Variants in MCRIP2 observed in about 807,000 individuals in gnomAD.
MCRIP2 encodes the protein MAPK regulated co-repressor interacting protein 2.
MCRIP2 carries 21 observed loss-of-function variants against 23.2 expected under a neutral mutation model. The observed-to-expected ratio is 0.90, with a 90% CI of 0.64 to 1.30. MCRIP2 has a LOEUF of 1.30. Among genes scored for constraint, MCRIP2 ranks in the 50% most tolerant of loss-of-function variants. The probability of loss-of-function intolerance (pLI) is 0.00; values close to 1 mark genes in which losing one functional copy is unlikely to be tolerated. For synonymous variants in MCRIP2, 121 were observed against 100.2 expected (o/e 1.21, Z -1.24); for missense variants, 234 against 223.2 (o/e 1.05, Z -0.31).
chr16:646,957 C>G lies in MCRIP2; in HGVS notation c.183-460C>G. The G allele has an allele frequency of 6.3e-6, 1 of 158,466 alleles. No homozygotes were observed. Among genetic ancestry groups the G allele is most frequent in the Non-Finnish European group, 1.4e-5 (1 of 72,184 alleles). The allele number at this position is 158,466 out of a possible 1,614,324, so 9.8% of individuals were successfully genotyped here. On this transcript the variant is annotated intron_variant, in intron 2 of 4. Coordinates refer to ENST00000307650, the MANE Select transcript of MCRIP2 (RefSeq NM_138418.4). This position sits in a 1 kb window ranked among gnomAD's most constrained non-coding sequence, Gnocchi z 6.5. ...GGGAAACATCGTGGAGATGGAGGTG[C>G]TTCTGTGGGGCGAGAATGTGGCCTA...
chr16:642,768 C>G (rs2037382801), intron 2 of MCRIP2: 1 of 152,268 alleles, frequency 6.6e-6, no homozygotes, highest in South Asian at 2.1e-4. Flanking sequence ...TTTTCCTAAC[C>G]CAGTTAGGAA....
intron 2 of MCRIP2, chr16:647,138 G>A (rs559134817): frequency 8.2e-6 from 4 of 487,974 alleles, no homozygotes; most frequent in Admixed American, 3.6e-5. Context: ...CCCGACCAAA[G>A]GTTTGGGACA....
chr16:647,942 C>G (rs2037538692), intron 4 of MCRIP2, 58 bp downstream of exon 4: 2 of 1,231,454 alleles, frequency 1.6e-6, no homozygotes, highest in East Asian at 2.6e-5. Flanking sequence ...TGATCCTGAC[C>G]CAGGCCCTGC....
chr16:648,232 C>T lies in MCRIP2; in HGVS notation c.*42C>T, dbSNP rs78631299. On this transcript the variant is annotated 3_prime_UTR_variant, in exon 5 of 5. Coordinates refer to ENST00000307650, the MANE Select transcript of MCRIP2 (RefSeq NM_138418.4). ...GCGCTGCTACACGGCCGACCTGTCG[C>T]CAGGAGAGAAGCATGGCGCCCTGCC... 1.1e-4 allele frequency: 170 copies of T among 1,571,844 alleles called. No homozygotes were observed. In the African/African-American group the frequency reaches 1.8e-3, roughly 17 times the overall value.
intron 2 of MCRIP2, among the ~76,000 whole-genome samples, chr16:644,399 C>A (rs533067200): frequency 1.3e-5 from 2 of 152,178 alleles, no homozygotes; most frequent in East Asian, 3.9e-4. Context: ...TCCCTCTGAA[C>A]CACCCCACCC....
intron 2 of MCRIP2, chr16:642,533 C>T (rs1446640825): frequency 2.1e-5 from 4 of 188,312 alleles, no homozygotes; most frequent in East Asian, 2.8e-4. Flanking sequence ...GTCGGTGCTT[C>T]GGGCGACCTT....
Position 641,828 on chromosome 16 carries a change from G to A in MCRIP2, c.-164G>A. On this transcript the variant is annotated 5_prime_UTR_variant, in exon 1 of 5. Transcript: ENST00000307650. Reference sequence around the variant, plus strand: ...CCCAAAGGGCGCAAGCGCCGCCTCCGCCGCGTGTCCGGGGTCAGCCCGAGC... The same window carrying A: ...CCCAAAGGGCGCAAGCGCCGCCTCCACCGCGTGTCCGGGGTCAGCCCGAGC... The A allele has an allele frequency of 3.5e-6, 2 of 570,380 alleles. No homozygotes were observed. The highest frequency in any genetic ancestry group is 2.6e-6 in the Non-Finnish European group (1 of 392,112). 35.3% of individuals were successfully genotyped at this position (570,380 alleles called of 1,614,324 possible). A position where few individuals can be genotyped will look rare whatever the true frequency, so the allele number is the denominator to read the frequency against.
In MCRIP2 at chr16:642,305, C is replaced by A. The variant is rs574767144; in HGVS notation, c.182+56C>A. Reference sequence around the variant, plus strand: ...GCCCGGCTTCCCCTCCCCCGCCGGCCGCCCTAGAGCGGAGGGTGACCTTGG... The same window carrying A: ...GCCCGGCTTCCCCTCCCCCGCCGGCAGCCCTAGAGCGGAGGGTGACCTTGG... On this transcript the variant is annotated intron_variant, in intron 2 of 4. Coordinates refer to ENST00000307650, the MANE Select transcript of MCRIP2 (RefSeq NM_138418.4). 1.2e-4 allele frequency: 135 copies of A among 1,138,684 alleles called. No individual in the cohort carries two copies. In the African/African-American group the frequency reaches 1.8e-3, roughly 15 times the overall value. The allele number at this position is 1,138,684 out of a possible 1,614,324, so 70.5% of individuals were successfully genotyped here. A position where few individuals can be genotyped will look rare whatever the true frequency, so the allele number is the denominator to read the frequency against.
Position 642,116 on chromosome 16 carries a change from G to A in MCRIP2, c.53-4G>A. On this transcript the variant is annotated splice_region_variant and splice_polypyrimidine_tract_variant and intron_variant, in intron 1 of 4. Coordinates refer to ENST00000307650, the MANE Select transcript of MCRIP2 (RefSeq NM_138418.4). The stretch of plus-strand genomic sequence containing the variant: ...GGCGGCTGACCGCCCCCCGGTGCCC[G>A]CAGGTCCCACGCAGCAGCAGGTGGA... 3.0e-6 allele frequency: 4 copies of A among 1,353,158 alleles called. No individual in the cohort carries two copies. Among genetic ancestry groups the A allele is most frequent in the African/African-American group, 1.5e-5 (1 of 65,326 alleles). 83.8% of individuals were successfully genotyped at this position (1,353,158 alleles called of 1,614,324 possible).
chr16:647,919 C>G, intron 4 of MCRIP2, 35 bp downstream of exon 4: 2 of 1,263,028 alleles, frequency 1.6e-6, no homozygotes. Flanking sequence ...CAGGAGAGAC[C>G]CCCCAGCCCC....
In MCRIP2 at chr16:641,884, G is replaced by A. The variant is rs1020719123; in HGVS notation, c.-108G>A. The A allele has an allele frequency of 1.3e-5, 14 of 1,044,092 alleles. No homozygotes were observed. The highest frequency in any genetic ancestry group is 3.6e-4 in the Middle Eastern group (1 of 2,798). 64.7% of individuals were successfully genotyped at this position (1,044,092 alleles called of 1,614,324 possible). A position where few individuals can be genotyped will look rare whatever the true frequency, so the allele number is the denominator to read the frequency against. ...CGGGCCCTTTAAGGGCCGGGGGCGTGTAGCGGGCCCGCCCCCTCCCCGCGG... is the reference window on the plus strand; with the variant it reads ...CGGGCCCTTTAAGGGCCGGGGGCGTATAGCGGGCCCGCCCCCTCCCCGCGG... On this transcript the variant is annotated 5_prime_UTR_variant, in exon 1 of 5. Coordinates refer to ENST00000307650, the MANE Select transcript of MCRIP2 (RefSeq NM_138418.4).
rs1345448400 is a variant in MCRIP2 at position 642,222 on chromosome 16, A to T, written c.155A>T (p.Gln52Leu). The T allele has an allele frequency of 2.4e-6, 3 of 1,256,850 alleles. No homozygotes were observed. Among genetic ancestry groups the T allele is most frequent in the Non-Finnish European group, 3.0e-6 (3 of 1,001,198 alleles). 77.9% of individuals were successfully genotyped at this position (1,256,850 alleles called of 1,614,324 possible). The part of the protein sequence containing the change: ...SQPPRAQPFA[Q>L]PPGPWPLSSP... ...CCCCCGCGGGCGCAGCCCTTTGCGC[A>T]GCCGCCGGGACCCTGGCCCCTGTCG... Residue 52 changes from glutamine (Q) to leucine (L), a missense_variant, in exon 2 of 5, where the codon CAG becomes CTG. Gln to Leu is a moderately radical substitution (Grantham distance 113). Transcript: ENST00000307650.
At chr16:647,262 G>A (rs1171687363) in intron 2 of MCRIP2, 155 bp from the exon 3 acceptor site, 5 of 1,021,342 alleles carry the variant, frequency 4.9e-6, no homozygotes, top group East Asian at 5.2e-5. Flanking sequence ...CTGGGCCACC[G>A]GCTGCTGTGG....
At chr16:645,896 G>A (rs1486093036) in intron 2 of MCRIP2, 2 of 152,278 alleles carry the variant, frequency 1.3e-5, no homozygotes, top group South Asian at 2.1e-4. Flanking sequence ...ATGCTCAGGT[G>A]GATTCTCTCC....
At chr16:647,117 ACTGAGTGGGGCCCGACCAAAG>A (rs914308089) in intron 2 of MCRIP2, 1 of 420,978 alleles carries the variant, frequency 2.4e-6, no homozygotes, top group African/African-American at 2.0e-5. Context: ...GGGGAGGGGT[ACTGAGTGGGGCCCGACCAAAG>A]GTTTGGGACA....
At chr16:643,826 C>T (rs930582808) in intron 2 of MCRIP2, among the ~76,000 whole-genome samples, 1 of 152,126 alleles carries the variant, frequency 6.6e-6, no homozygotes, top group Non-Finnish European at 1.5e-5. Context: ...GCTACCGCGC[C>T]CGGCCTGTTT....
rs1041860041 is a variant in MCRIP2 at position 642,199 on chromosome 16, C to T, written c.132C>T (p.Pro44=). 2 of 1,319,138 alleles carry T rather than the reference C, an allele frequency of 1.5e-6. No homozygotes were observed. The highest frequency in any genetic ancestry group is 3.8e-5 in the South Asian group (2 of 53,092). 81.7% of individuals were successfully genotyped at this position (1,319,138 alleles called of 1,614,324 possible). A position where few individuals can be genotyped will look rare whatever the true frequency, so the allele number is the denominator to read the frequency against. ...CRQPAPPTSQ[P]PRAQPFAQPP... ...AGCCCGCGCCGCCGACCTCGCAGCC[C>T]CCGCGGGCGCAGCCCTTTGCGCAGC... The change falls in exon 2 of 5, where the codon CCC becomes CCT. Residue 44 remains proline, a synonymous_variant. Transcript: ENST00000307650.
rs1181104436 is a variant in MCRIP2, at chr16:646,663, G to C, written c.183-754G>C. On this transcript the variant is annotated intron_variant, in intron 2 of 4. Coordinates refer to ENST00000307650, the MANE Select transcript of MCRIP2 (RefSeq NM_138418.4). The surrounding 1 kb of genome is among the most constrained non-coding windows in gnomAD (Gnocchi z 6.5). ...CCCGGGCTTTGTGTGCTCAGGGCTC[G>C]GCCAGCTGGGGCCGCTCATCCCTGC... is the stretch of plus-strand genomic sequence containing the variant. 3 of 152,154 alleles carry C rather than the reference G, an allele frequency of 2.0e-5. No homozygotes were observed. The highest frequency in any genetic ancestry group is 4.4e-5 in the Non-Finnish European group (3 of 68,032). 9.4% of individuals were successfully genotyped at this position (152,154 alleles called of 1,614,324 possible).
At chr16:644,494 G>T in intron 2 of MCRIP2, among the ~76,000 whole-genome samples, 1 of 151,796 alleles carries the variant, frequency 6.6e-6, no homozygotes, top group South Asian at 2.1e-4. Flanking sequence ...CCCAGGCCGG[G>T]GTGCAGTGGT....
Sources: gnomAD v4.1 joint callset for allele counts (sites outside exome capture counted in the v4.1 genomes callset) on GRCh38, gnomAD v4.1.1 for gene constraint, Gnocchi (gnomAD v3.1) non-coding constraint, MANE v1.5 for transcripts, NCBI Gene and HGNC (gene_info 2026-07-23, HGNC 2026-07-21) for gene names.